TMC4: variants seen among roughly 807,000 people sequenced by gnomAD.
TMC4 encodes voltage-gated chloride channel TMC4.
Under a neutral mutation model 82.0 loss-of-function variants are expected in TMC4, and 70 were observed. The observed-to-expected ratio is 0.85, with a 90% CI of 0.70 to 1.04. The LOEUF is 1.04. TMC4 is among the 50% of genes least tolerant of loss of function. TMC4 has a pLI of 0.00. For synonymous variants in TMC4, 446 were observed against 406.0 expected (o/e 1.10, Z -1.18); for missense variants, 879 against 899.0 (o/e 0.98, Z 0.28).
At chr19:54,171,647 G>A (rs557480217) in intron 2 of TMC4, among the ~76,000 whole-genome samples, 94 of 152,302 alleles carry the variant, frequency 6.2e-4, no homozygotes, top group Non-Finnish European at 8.4e-4. Context: ...AAATCCCAGA[G>A]AGAAGAGACC....
chr19:54,166,323 CAAAAAAAAAAAA>C (rs58329832), intron 5 of TMC4, among the ~76,000 whole-genome samples: 6,069 of 108,132 alleles, frequency 0.056, 358 homozygotes, highest in African/African-American at 0.16. Flanking sequence ...AGGTCGCCTC[CAAAAAAAAAAAA>C]AAAAAAAAAA....
At chr19:54,172,953 G>A in intron 1 of TMC4, 86 bp downstream of exon 1, 2 of 1,196,360 alleles carry the variant, frequency 1.7e-6, no homozygotes, top group South Asian at 1.4e-5. Context: ...AGACTCAGGA[G>A]GCCAGGCCTC....
intron 7 of TMC4, 64 bp from the exon 8 acceptor site, chr19:54,163,951 C>A: frequency 6.5e-7 from 1 of 1,529,808 alleles, no homozygotes; most frequent in South Asian, 1.2e-5. Flanking sequence ...TTAAGGTCCT[C>A]CCCCCGGCCT....
Position 54,169,559 on chromosome 19 carries a change from C to CCTT in TMC4, c.392_394dup (p.Glu131dup). 6.2e-7 allele frequency: 1 copy of CCTT among 1,613,928 alleles called. No homozygotes were observed. The highest frequency in any genetic ancestry group is 1.1e-5 in the South Asian group (1 of 91,072). ...CGCCCAGGGCTGCAGGCTTCGCAAG[C>CCTT]CTTCCTTTGTTTTCTCCTTGGACCT... On this transcript the variant is annotated inframe_insertion, in exon 3 of 15. Transcript: ENST00000619895.
Position 54,168,646 on chromosome 19 carries a change from G to A in TMC4, c.477C>T (p.Ser159=). The A allele has an allele frequency of 1.3e-6, 2 of 1,578,904 alleles. No homozygotes were observed. Among genetic ancestry groups the A allele is most frequent in the South Asian group, 2.3e-5 (2 of 86,092 alleles). ...TAAGAAGGAGCAGGAAGCGCAGCAG[G>A]GAGAAGTAGGACTCCGTGCCGGCGC... is the stretch of plus-strand genomic sequence containing the variant. The part of the protein sequence containing the change: ...QFGAGTESYF[S]LLRFLLLLNV... The change falls in exon 4 of 15, where the codon TCC becomes TCT. Residue 159 remains serine, a synonymous_variant. Coordinates refer to ENST00000619895, the MANE Select transcript of TMC4 (RefSeq NM_144686.4).
Position 54,160,467 on chromosome 19 carries a change from C to G in TMC4, c.2052G>C (p.Thr684=), listed in dbSNP as rs1458100159. 6.2e-7 allele frequency: 1 copy of G among 1,613,578 alleles called. No homozygotes were observed. The highest frequency in any genetic ancestry group is 2.2e-5 in the East Asian group (1 of 44,866). Residue 684 remains threonine, a splice_region_variant and synonymous_variant, in exon 14 of 15, where the codon ACG becomes ACC. Coordinates refer to ENST00000619895, the MANE Select transcript of TMC4 (RefSeq NM_144686.4). ...CCTCTCAGGGACCCGCCTGGCTCAC[C>G]GTCTCTCTCTGACGTTTGAGCTCAG... ...LISELKRQRE[T]EAQNKVFLAR...
At chr19:54,169,460 G>C in intron 3 of TMC4, 52 bp downstream of exon 3, 1 of 1,528,800 alleles carries the variant, frequency 6.5e-7, no homozygotes, top group Non-Finnish European at 8.8e-7. Flanking sequence ...TCCTCCCTCA[G>C]ACCCAGGAGT....
intron 13 of TMC4, 66 bp from the exon 14 acceptor site, chr19:54,160,611 C>T: frequency 6.2e-7 from 1 of 1,608,102 alleles, no homozygotes; most frequent in Non-Finnish European, 8.5e-7. Context: ...CGTCTGGCTC[C>T]TTCGAAGCCA....
In TMC4 at chr19:54,168,237, A is replaced by C. The variant is rs1465965083; in HGVS notation, c.731T>G (p.Leu244Arg). Residue 244 changes from leucine to arginine, a missense_variant, in exon 5 of 15, where the codon CTG (leucine) becomes CGG (arginine). Transcript: ENST00000619895. ...FYGFYPPRPR[L>R]AVTYLCWAFA... ...GGCCCAGCACAGGTAGGTGACCGCC[A>C]GGCGTGGGCGGGGCGGGTAGAAGCC... 6.3e-7 allele frequency: 1 copy of C among 1,579,244 alleles called. No individual in the cohort carries two copies. The highest frequency in any genetic ancestry group is 2.3e-5 in the East Asian group (1 of 43,178).
chr19:54,166,207 C>CGTCTCTA (rs1056914588), intron 5 of TMC4, among the ~76,000 whole-genome samples: 38 of 151,432 alleles, frequency 2.5e-4, no homozygotes, highest in African/African-American at 8.7e-4. Flanking sequence ...GGTGAAACCC[C>CGTCTCTA]GTCTCTACTA....
At chr19:54,167,131 T>C (rs1259205421) in intron 5 of TMC4, among the ~76,000 whole-genome samples, 1 of 151,952 alleles carries the variant, frequency 6.6e-6, no homozygotes, top group Admixed American at 6.6e-5. Context: ...GACATGGTGG[T>C]GCACCCCTGT....
chr19:54,169,696 CA>C (rs1459070856), intron 2 of TMC4, 36 bp from the exon 3 acceptor site: 1 of 1,607,184 alleles, frequency 6.2e-7, no homozygotes. Flanking sequence ...AGGGGTTTCG[CA>C]GCCCCAGACT....
Position 54,168,865 on chromosome 19 carries a change from TTCTTTTCTTTTCTTTTCTTTTC to T in TMC4, c.443-207_443-186del, listed in dbSNP as rs2075790775. Among the ~76,000 whole-genome samples the T allele has an allele frequency of 3.4e-4, 17 of 50,504 alleles. 4 individuals are homozygous for T. Among genetic ancestry groups the T allele is most frequent in the Non-Finnish European group, 2.1e-4 (6 of 27,958 alleles). The allele number at this position is 50,504 out of a possible 152,430, so 33.1% of individuals were successfully genotyped here. On this transcript the variant is annotated intron_variant, in intron 3 of 14. Transcript: ENST00000619895. Reference sequence around the variant, plus strand: ...TTCTTTTCTTTTCTTTTCTTTTCTTTTCTTTTCTTTTCTTTTCTTTTCTTTCTTTCCTTTCTTTCTTCTTTCT... The same window carrying T: ...TTCTTTTCTTTTCTTTTCTTTTCTTTTTTCTTTCCTTTCTTTCTTCTTTCT...
At position 54,162,256 on chromosome 19, in the gene TMC4, A is replaced by G. The variant is rs370724130; in HGVS notation, c.1532T>C (p.Leu511Pro). Residue 511 changes from leucine to proline, a missense_variant, in exon 11 of 15, where the codon CTG becomes CCG. Physicochemically the swap from Leu to Pro is moderately conservative, Grantham distance 98. Transcript: ENST00000619895. ...CTCTTGGGTCCCCGCCAGACGACCC[A>G]GCGCCCCAGGACAGAGGCCACAGAG... is the stretch of plus-strand genomic sequence containing the variant. Reference protein sequence around the residue: ...KLLCGLCPGALGRLAGTQEFQ... With the variant: ...KLLCGLCPGAPGRLAGTQEFQ... 2 of 1,604,598 alleles carry G rather than the reference A, an allele frequency of 1.2e-6. No homozygotes were observed. The highest frequency in any genetic ancestry group is 1.7e-6 in the Non-Finnish European group (2 of 1,176,388).
rs2075500059 is a variant in TMC4 at position 54,160,146 on chromosome 19, C to T, written c.*160G>A. Reference sequence around the variant, plus strand: ...CTGTATTTATTGATACAAGGAAGATCACCCGAGAGTCAGGGACGTGGCGGC... The same window carrying T: ...CTGTATTTATTGATACAAGGAAGATTACCCGAGAGTCAGGGACGTGGCGGC... On this transcript the variant is annotated 3_prime_UTR_variant, in exon 15 of 15. Transcript: ENST00000619895. 2.6e-6 allele frequency: 2 copies of T among 769,696 alleles called. No individual in the cohort carries two copies. Among genetic ancestry groups the T allele is most frequent in the Non-Finnish European group, 4.0e-6 (2 of 503,544 alleles). The allele number at this position is 769,696 out of a possible 1,614,324, so 47.7% of individuals were successfully genotyped here.
intron 11 of TMC4, 53 bp from the exon 12 acceptor site, chr19:54,161,313 TC>T: frequency 2.6e-6 from 3 of 1,157,200 alleles, no homozygotes; most frequent in Non-Finnish European, 3.4e-6. Context: ...AGTCTGTGCC[TC>T]CATTTTTTTT....
At chr19:54,165,617 G>C in intron 5 of TMC4, 51 bp from the exon 6 acceptor site, 1 of 1,561,774 alleles carries the variant, frequency 6.4e-7, no homozygotes, top group Non-Finnish European at 8.7e-7. Flanking sequence ...CCAGGAACGG[G>C]GGTTATGGGG....
intron 6 of TMC4, 71 bp from the exon 7 acceptor site, chr19:54,164,672 G>A: frequency 1.3e-6 from 2 of 1,584,464 alleles, no homozygotes; most frequent in Non-Finnish European, 8.6e-7. Context: ...CCCAGGTCTG[G>A]CTCTCCAGAG....
At chr19:54,162,059 A>G in intron 11 of TMC4, 43 bp downstream of exon 11, 8 of 1,545,758 alleles carry the variant, frequency 5.2e-6, no homozygotes, top group Non-Finnish European at 7.0e-6. Context: ...TGCGGGCCCC[A>G]ATACCTCCTG....
Sources: gnomAD v4.1 joint callset for allele counts (sites outside exome capture counted in the v4.1 genomes callset) on GRCh38, gnomAD v4.1.1 for gene constraint, MANE v1.5 for transcripts, NCBI Gene and HGNC (gene_info 2026-07-23, HGNC 2026-07-21) for gene names.